The following NRG3 variants were observed in gnomAD, a reference collection of about 807,000 sequenced individuals.
The protein encoded by NRG3 is neuregulin 3, also known as pro-neuregulin-3, membrane-bound isoform.
Under a neutral mutation model 66.9 loss-of-function variants are expected in NRG3, and 31 were observed. That is an observed-to-expected ratio of 0.46 (90% CI 0.35 to 0.63). NRG3 has a LOEUF of 0.63. Among genes scored for constraint, NRG3 ranks in the 20% least tolerant of loss-of-function variants. The pLI is 0.00. For synonymous variants in NRG3, 393 were observed against 359.4 expected (o/e 1.09, Z -1.06); for missense variants, 910 against 878.9 (o/e 1.04, Z -0.45).
chr10:81,899,988 T>C (rs1324708325), intron 1 of NRG3, among the ~76,000 whole-genome samples: 1 of 152,068 alleles, frequency 6.6e-6, no homozygotes, highest in African/African-American at 2.4e-5. Flanking sequence ...TTTTTTTCTT[T>C]TTATTTTGAT....
intron 1 of NRG3, among the ~76,000 whole-genome samples, chr10:81,982,282 A>G (rs1394360707): frequency 6.6e-6 from 1 of 152,128 alleles, no homozygotes; most frequent in African/African-American, 2.4e-5. Flanking sequence ...TCTTTCCTCT[A>G]GTGTCAAAAA....
In NRG3 at chr10:82,582,753, C is replaced by A. The variant is rs113451514; in HGVS notation, c.954-155824C>A. Among the ~76,000 whole-genome samples, 529 of 151,074 alleles carry A rather than the reference C, an allele frequency of 3.5e-3. 1 individual carries two copies. The highest frequency in any genetic ancestry group is 0.012 in the African/African-American group (504 of 41,220). On this transcript the variant is annotated intron_variant, in intron 2 of 8. Transcript: ENST00000372141. ...TAAATGTTTAGTTTCCTCTTCTTTC[C>A]TAACTTGAAACTATTTATGACAAAA...
chr10:82,976,020 A>C (rs1024997977), intron 7 of NRG3, among the ~76,000 whole-genome samples: 1 of 152,130 alleles, frequency 6.6e-6, no homozygotes, highest in African/African-American at 2.4e-5. Flanking sequence ...TATTTATTGC[A>C]TTATATTTTG....
chr10:82,970,913 C>T (rs1261593857), intron 6 of NRG3, among the ~76,000 whole-genome samples: 1 of 152,060 alleles, frequency 6.6e-6, no homozygotes, highest in Non-Finnish European at 1.5e-5. Flanking sequence ...TAAAGCAATG[C>T]TGAGGCTGGT....
Position 82,553,016 on chromosome 10 carries a change from G to T in NRG3, c.954-185561G>T, listed in dbSNP as rs796974411. ...ATCTGCTTATCTGTTTCCAAGTAGA[G>T]AAAAGTGATCACACACAAACACACA... On this transcript the variant is annotated intron_variant, in intron 2 of 8. Transcript: ENST00000372141. Among the ~76,000 whole-genome samples, 101 of 151,106 alleles carry T rather than the reference G, an allele frequency of 6.7e-4. 1 individual carries two copies. The highest frequency in any genetic ancestry group is 2.4e-3 in the African/African-American group (100 of 41,012).
Position 82,729,855 on chromosome 10 carries a change from A to G in NRG3, c.954-8722A>G, listed in dbSNP as rs116422818. Among the ~76,000 whole-genome samples the G allele has an allele frequency of 4.2e-3, 640 of 151,986 alleles. 9 individuals carry two copies. The highest frequency in any genetic ancestry group is 0.014 in the African/African-American group (586 of 41,432). ...TTGAGAAGACCTTGTAGTTGAGCAA[A>G]CTCATTTGTTATTATATTTTTTAAC... On this transcript the variant is annotated intron_variant, in intron 2 of 8. Coordinates refer to ENST00000372141, the MANE Select transcript of NRG3 (RefSeq NM_001010848.4).
chr10:82,926,275 T>C (rs1210315052), intron 4 of NRG3, among the ~76,000 whole-genome samples: 1 of 152,192 alleles, frequency 6.6e-6, no homozygotes, highest in Non-Finnish European at 1.5e-5. Flanking sequence ...ATGTGTAGGC[T>C]ATAGGCAAAT....
chr10:82,133,150 A>AGTT (rs149226852), intron 1 of NRG3, among the ~76,000 whole-genome samples: 19,587 of 151,426 alleles, frequency 0.13, 1,375 homozygotes, highest in East Asian at 0.22. Context: ...TGCATCATTA[A>AGTT]GTTGTTTATT....
intron 1 of NRG3, among the ~76,000 whole-genome samples, chr10:82,126,524 A>T (rs1034012102): frequency 1.3e-5 from 2 of 152,096 alleles, no homozygotes; most frequent in African/African-American, 4.8e-5. Context: ...CACAGATAGT[A>T]TGCAGAGATT....
intron 1 of NRG3, among the ~76,000 whole-genome samples, chr10:82,129,952 AT>A (rs1349428718): frequency 2.6e-5 from 4 of 151,950 alleles, no homozygotes; most frequent in East Asian, 1.9e-4. Context: ...TATCTTAACT[AT>A]TTTTTTGTAA....
chr10:82,254,592 C>A (rs1323992539), intron 1 of NRG3, among the ~76,000 whole-genome samples: 3 of 151,722 alleles, frequency 2.0e-5, no homozygotes, highest in Non-Finnish European at 4.4e-5. Flanking sequence ...ATATATTTAC[C>A]TATATGAACC....
chr10:82,095,652 G>C (rs2066291567), intron 1 of NRG3, among the ~76,000 whole-genome samples: 2 of 152,146 alleles, frequency 1.3e-5, no homozygotes, highest in African/African-American at 4.8e-5. Context: ...GCTGGGAAAG[G>C]ACCAGTGAAG....
At chr10:82,634,038 G>A (rs892431860) in intron 2 of NRG3, among the ~76,000 whole-genome samples, 3 of 152,164 alleles carry the variant, frequency 2.0e-5, no homozygotes, top group Non-Finnish European at 4.4e-5. Context: ...GGCATATAGA[G>A]ATTATGGTTC....
chr10:82,699,536 A>G (rs374511782), intron 2 of NRG3, among the ~76,000 whole-genome samples: 9 of 152,088 alleles, frequency 5.9e-5, no homozygotes, highest in African/African-American at 2.2e-4. Context: ...CCTCCCTTCT[A>G]AACTATTGGC....
chr10:82,185,801 C>T lies in NRG3; in HGVS notation c.824-172938C>T, dbSNP rs140957491. ...ATGCTCCAGGACTGCATTATCACATCTTTACATCTCATCATTGGTTTTATT... is the reference window on the plus strand; with the variant it reads ...ATGCTCCAGGACTGCATTATCACATTTTTACATCTCATCATTGGTTTTATT... On this transcript the variant is annotated intron_variant, in intron 1 of 8. Coordinates refer to ENST00000372141, the MANE Select transcript of NRG3 (RefSeq NM_001010848.4). Among the ~76,000 whole-genome samples, 167 of 152,306 alleles carry T rather than the reference C, an allele frequency of 1.1e-3. 1 individual carries two copies. Among genetic ancestry groups the T allele is most frequent in the Middle Eastern group, 3.4e-3 (1 of 294 alleles).
chr10:82,722,336 A>G (rs1315524156), intron 2 of NRG3, among the ~76,000 whole-genome samples: 1 of 152,166 alleles, frequency 6.6e-6, no homozygotes, highest in Non-Finnish European at 1.5e-5. Context: ...TTTGAATATT[A>G]TATTTTTGTG....
intron 1 of NRG3, chr10:82,224,105 A>C (rs1263833764): frequency 2.0e-5 from 3 of 152,332 alleles, no homozygotes; most frequent in African/African-American, 7.2e-5. Context: ...GCCTCCATGC[A>C]GGGACAATTG....
At chr10:82,477,145 G>A (rs954650250) in intron 2 of NRG3, among the ~76,000 whole-genome samples, 1 of 152,128 alleles carries the variant, frequency 6.6e-6, no homozygotes, top group African/African-American at 2.4e-5. Context: ...TCCATATGGA[G>A]AACCATGAGG....
intron 1 of NRG3, among the ~76,000 whole-genome samples, chr10:81,985,980 G>T (rs932748567): frequency 1.3e-5 from 2 of 152,188 alleles, no homozygotes; most frequent in Non-Finnish European, 2.9e-5. Context: ...AATTAGTAGA[G>T]GGAGTACACT....
Sources: gnomAD v4.1 joint callset for allele counts (sites outside exome capture counted in the v4.1 genomes callset) on GRCh38, gnomAD v4.1.1 for gene constraint, MANE v1.5 for transcripts, NCBI Gene and HGNC (gene_info 2026-07-23, HGNC 2026-07-21) for gene names.